Variants in NBAS observed in about 807,000 individuals in gnomAD.
NBAS encodes NAG/BC035112 fusion.
NBAS carries 219 observed loss-of-function variants against 302.5 expected under a neutral mutation model. That is an observed-to-expected ratio of 0.72 (90% confidence interval 0.65 to 0.81). The LOEUF is 0.81. Ranked by LOEUF, NBAS falls within the 30% of genes least tolerant of loss-of-function variation. The probability of loss-of-function intolerance (pLI) is 0.00; values close to 1 mark genes in which losing one functional copy is unlikely to be tolerated. For missense variants in NBAS, 2,932 were observed against 2,841.6 expected, an observed-to-expected ratio of 1.03 and a Z score of -0.72; for synonymous variants, 1,118 against 1,021.6, an observed-to-expected ratio of 1.09 and a Z score of -1.80.
chr2:15,060,125 A>G, the NBAS span, among the ~76,000 whole-genome samples: 4 of 152,158 alleles, frequency 2.6e-5, no homozygotes, highest in African/African-American at 7.2e-5. Context: ...GCCTCTGCTC[A>G]GTCATCTATA....
intron 11 of NBAS, among the ~76,000 whole-genome samples, chr2:15,494,991 T>A (rs1268886535): frequency 6.6e-6 from 1 of 152,202 alleles, no homozygotes; most frequent in Admixed American, 6.5e-5. Flanking sequence ...ATAACTCTCC[T>A]AACACGCAGG....
downstream of NBAS, among the ~76,000 whole-genome samples, chr2:15,166,168 T>C (rs1664015904): frequency 6.6e-6 from 1 of 152,200 alleles, no homozygotes; most frequent in African/African-American, 2.4e-5. Flanking sequence ...GAACACCCCT[T>C]GTGTGGGAGG....
At chr2:15,296,202 G>A (rs1370534667) in intron 40 of NBAS, among the ~76,000 whole-genome samples, 1 of 152,130 alleles carries the variant, frequency 6.6e-6, no homozygotes, top group Admixed American at 6.5e-5. Flanking sequence ...ATCACCAGGT[G>A]ATCACCTTTC....
intron 51 of NBAS, among the ~76,000 whole-genome samples, chr2:15,172,790 C>T (rs1292650078): frequency 6.6e-6 from 1 of 152,156 alleles, no homozygotes; most frequent in Non-Finnish European, 1.5e-5. Flanking sequence ...TTCCCCTGAT[C>T]AAATAACTTT....
the NBAS span, among the ~76,000 whole-genome samples, chr2:14,869,860 C>T: frequency 6.6e-6 from 1 of 152,162 alleles, no homozygotes; most frequent in Admixed American, 6.5e-5. Context: ...TGATCAGGGT[C>T]AGTCATCACA....
At chr2:14,876,990 C>T in the NBAS span, among the ~76,000 whole-genome samples, 7 of 152,232 alleles carry the variant, frequency 4.6e-5, no homozygotes, top group Non-Finnish European at 5.9e-5. Flanking sequence ...AAAGCAACTA[C>T]CACTAAGCCT....
At chr2:14,994,315 T>C in the NBAS span, among the ~76,000 whole-genome samples, 3 of 152,216 alleles carry the variant, frequency 2.0e-5, no homozygotes, top group African/African-American at 7.2e-5. Flanking sequence ...GTGAAGGGAT[T>C]GTTTCCAGTA....
chr2:15,206,188 C>A (rs1165807610), intron 48 of NBAS, among the ~76,000 whole-genome samples: 2 of 152,108 alleles, frequency 1.3e-5, no homozygotes, highest in Non-Finnish European at 2.9e-5. Flanking sequence ...TTATTGGGAA[C>A]TGGAATAAAG....
chr2:15,023,531 G>GTCA, the NBAS span, among the ~76,000 whole-genome samples: 1 of 151,516 alleles, frequency 6.6e-6, no homozygotes, highest in Non-Finnish European at 1.5e-5. Flanking sequence ...TATAACTTTT[G>GTCA]ACATTTCTCC....
the NBAS span, among the ~76,000 whole-genome samples, chr2:14,923,195 CCGTTCATTCAT>C: frequency 2.6e-4 from 39 of 152,214 alleles, no homozygotes; most frequent in African/African-American, 8.9e-4. Flanking sequence ...CAGTGGTTCT[CCGTTCATTCAT>C]TCTTTCATTC....
intron 44 of NBAS, among the ~76,000 whole-genome samples, chr2:15,249,267 G>A (rs556511385): frequency 2.0e-5 from 3 of 152,004 alleles, no homozygotes; most frequent in African/African-American, 7.2e-5. Context: ...TTCAACACCC[G>A]TTCATGCTAA....
At chr2:15,489,832 C>T (rs1370083580) in intron 11 of NBAS, among the ~76,000 whole-genome samples, 10 of 152,164 alleles carry the variant, frequency 6.6e-5, no homozygotes, top group African/African-American at 2.4e-4. Context: ...CTCAGAAGAC[C>T]TGAACAAACA....
intron 19 of NBAS, among the ~76,000 whole-genome samples, chr2:15,465,404 C>T (rs1679681115): frequency 6.6e-6 from 1 of 152,128 alleles, no homozygotes; most frequent in Non-Finnish European, 1.5e-5. Flanking sequence ...TTCTCCATAC[C>T]TTTCTTATCA....
At chr2:14,942,223 C>T in the NBAS span, among the ~76,000 whole-genome samples, 1 of 152,238 alleles carries the variant, frequency 6.6e-6, no homozygotes, top group East Asian at 1.9e-4. Flanking sequence ...CTAGAAGGCA[C>T]CCTGATATGG....
the NBAS span, among the ~76,000 whole-genome samples, chr2:14,917,885 C>A: frequency 1.3e-5 from 2 of 152,168 alleles, no homozygotes; most frequent in African/African-American, 4.8e-5. Context: ...CAGGTAAAGG[C>A]ACTCAATTTC....
chr2:15,119,336 T>G, the NBAS span, among the ~76,000 whole-genome samples: 1 of 134,300 alleles, frequency 7.4e-6, no homozygotes, highest in Non-Finnish European at 1.6e-5. Context: ...TGAGACAGAG[T>G]CTTGCACTGT....
At chr2:15,485,702 C>T (rs1362229907) in intron 12 of NBAS, among the ~76,000 whole-genome samples, 1 of 152,140 alleles carries the variant, frequency 6.6e-6, no homozygotes, top group Non-Finnish European at 1.5e-5. Flanking sequence ...CAGAAAGAAA[C>T]CAGAGTGTCT....
At chr2:15,246,972 TG>T (rs1304124792) in intron 44 of NBAS, among the ~76,000 whole-genome samples, 1 of 152,182 alleles carries the variant, frequency 6.6e-6, no homozygotes, top group East Asian at 1.9e-4. Flanking sequence ...CTCTGCAGAC[TG>T]GAAGTGATGG....
intron 21 of NBAS, among the ~76,000 whole-genome samples, chr2:15,453,624 C>T (rs56750280): frequency 0.072 from 10,989 of 152,046 alleles, 487 homozygotes; most frequent in East Asian, 0.13. Flanking sequence ...ATGGCAACAC[C>T]GAAAACATAT....
Sources: gnomAD v4.1 joint callset for allele counts (sites outside exome capture counted in the v4.1 genomes callset) on GRCh38, gnomAD v4.1.1 for gene constraint, MANE v1.5 for transcripts, NCBI Gene and HGNC (gene_info 2026-07-23, HGNC 2026-07-21) for gene names.